Variants in EP400 observed in about 807,000 individuals in gnomAD.
EP400 encodes the protein E1A binding protein p400.
EP400 carries 105 observed loss-of-function variants against 354.1 expected under a neutral mutation model. That is an observed-to-expected ratio of 0.30 (90% CI 0.25 to 0.35). The LOEUF is 0.35. Among genes scored for constraint, EP400 ranks in the 10% least tolerant of loss-of-function variants. The pLI is 1.00. For synonymous variants in EP400, 1,646 were observed against 1,716.9 expected (o/e 0.96, Z 1.02); for missense variants, 3,280 against 4,121.0 (o/e 0.80, Z 5.59).
intron 19 of EP400, 136 bp downstream of exon 19, chr12:132,014,049 T>C: frequency 8.3e-7 from 1 of 1,199,700 alleles, no homozygotes; most frequent in South Asian, 1.5e-5. Flanking sequence ...GGCACCCTCC[T>C]GGGGGCAGCA....
At chr12:131,968,887 A>G (rs1892193652) in intron 2 of EP400, among the ~76,000 whole-genome samples, 1 of 152,188 alleles carries the variant, frequency 6.6e-6, no homozygotes, top group Non-Finnish European at 1.5e-5. Context: ...ACAGTTGATT[A>G]TTTGAACCTA....
chr12:131,991,576 C>CT (rs878864752), intron 10 of EP400, 120 bp downstream of exon 10: 85,845 of 588,596 alleles, frequency 0.15, 1,779 homozygotes, highest in African/African-American at 0.26. Context: ...CCTTTCTTTT[C>CT]TTTTTTTTTT....
intron 21 of EP400, 74 bp from the exon 22 acceptor site, chr12:132,019,975 G>C: frequency 1.4e-6 from 2 of 1,421,064 alleles, no homozygotes; most frequent in East Asian, 5.4e-5. Context: ...GGTGAACCCC[G>C]GCTCCATGAG....
intron 13 of EP400, 127 bp from the exon 14 acceptor site, chr12:132,005,985 A>G (rs1893566482): frequency 1.1e-6 from 1 of 883,632 alleles, no homozygotes; most frequent in Admixed American, 3.1e-5. Context: ...TTACAAATAA[A>G]AAATTATTGC....
chr12:132,066,849 T>C lies in EP400; in HGVS notation c.8629T>C (p.Leu2877=). ...TQAPQPAQVA[L]AKPPVVSVPA... The stretch of plus-strand genomic sequence containing the variant: ...GGCACCCCAGCCAGCCCAGGTGGCC[T>C]TGGCGAAGCCTCCGGTGGTGTCCGT... The change falls in exon 49 of 53, where the codon TTG becomes CTG. Residue 2877 remains leucine (L), a synonymous_variant. Coordinates refer to ENST00000389561, the MANE Select transcript of EP400 (RefSeq NM_015409.5). 1 of 1,614,086 alleles carries C rather than the reference T, an allele frequency of 6.2e-7. No homozygotes were observed. The highest frequency in any genetic ancestry group is 8.5e-7 in the Non-Finnish European group (1 of 1,179,972).
intron 30 of EP400, 149 bp downstream of exon 30, chr12:132,032,298 G>A: frequency 3.4e-6 from 3 of 873,266 alleles, no homozygotes; most frequent in Non-Finnish European, 5.1e-6. Context: ...GAAACAAAAG[G>A]TAGCACTAAA....
chr12:132,027,515 T>C lies in EP400; in HGVS notation c.5093T>C (p.Ile1698Thr). ...ACGGCCTCCAAACCAGCTTCTCCCA[T>C]TGGAGGGCCGACCCAGGTAAGCACC... ...PGTASKPASP[I>T]GGPTQEEKTR... Residue 1698 changes from isoleucine (I) to threonine (T), a missense_variant, in exon 26 of 53, where the codon ATT becomes ACT. By Grantham distance (89) the Ile-to-Thr change is moderately conservative. Around this residue, in one of 20 missense-constraint regions of EP400, gnomAD observed 459 missense variants for 496.9 expected, o/e 0.92. Coordinates refer to ENST00000389561, the MANE Select transcript of EP400 (RefSeq NM_015409.5). This position sits in a 1 kb window ranked among gnomAD's most constrained non-coding sequence, Gnocchi z 4.9. 6.2e-7 allele frequency: 1 copy of C among 1,612,800 alleles called. No homozygotes were observed. The highest frequency in any genetic ancestry group is 8.5e-7 in the Non-Finnish European group (1 of 1,179,380).
intron 2 of EP400, among the ~76,000 whole-genome samples, chr12:131,973,988 AT>A (rs57974341): frequency 0.031 from 3,955 of 128,692 alleles, 61 homozygotes; most frequent in Middle Eastern, 0.055. Flanking sequence ...ATGTGTTTGT[AT>A]TTTTTTTTTT....
At position 132,075,723 on chromosome 12, in the gene EP400, G is replaced by A. The variant is rs561202024; in HGVS notation, c.9022-793G>A. The stretch of plus-strand genomic sequence containing the variant: ...TAAATCATGTAATTTCACATATTTC[G>A]CAGAATAATCTTGGGAAATATTATT... On this transcript the variant is annotated intron_variant, in intron 51 of 52. Coordinates refer to ENST00000389561, the MANE Select transcript of EP400 (RefSeq NM_015409.5). The surrounding 1 kb of genome is among the most constrained non-coding windows in gnomAD (Gnocchi z 4.5). The A allele has an allele frequency of 5.9e-5, 9 of 152,108 alleles. No individual in the cohort carries two copies. Among genetic ancestry groups the A allele is most frequent in the Non-Finnish European group, 1.3e-4 (9 of 68,044 alleles). The allele number at this position is 152,108 out of a possible 1,614,324, so 9.4% of individuals were successfully genotyped here.
chr12:132,001,625 C>G (rs541394040), intron 12 of EP400, among the ~76,000 whole-genome samples: 1 of 152,126 alleles, frequency 6.6e-6, no homozygotes, highest in Non-Finnish European at 1.5e-5. Context: ...CTCCCTTTCC[C>G]GGTCCGCTAA....
intron 48 of EP400, chr12:132,065,346 TGC>T: frequency 5.9e-6 from 1 of 168,686 alleles, no homozygotes; most frequent in Admixed American, 5.5e-5. Flanking sequence ...CAGGCGCAAG[TGC>T]TGTCTGGGAA....
rs1050969336 is a variant in EP400, at chr12:132,050,637, C to T, written c.7376C>T (p.Ala2459Val). The change falls in exon 41 of 53, where the codon GCG becomes GTG. Residue 2459 changes from alanine (A) to valine (V), a missense_variant. Around this residue, in one of 20 missense-constraint regions of EP400, gnomAD observed 29 missense variants for 86.0 expected, o/e 0.34. Transcript: ENST00000389561. This position sits in a 1 kb window ranked among gnomAD's most constrained non-coding sequence, Gnocchi z 4.8. Reference protein sequence around the residue: ...MNPFQKNPKHASVLAESGINY... With the variant: ...MNPFQKNPKHVSVLAESGINY... ...CCCTTTCAGAAGAACCCCAAGCACG[C>T]GTCTGTGTTGGCAGAAAGGTATTTC... is the stretch of plus-strand genomic sequence containing the variant. The T allele has an allele frequency of 5.6e-6, 9 of 1,614,094 alleles. No homozygotes were observed. The highest frequency in any genetic ancestry group is 1.7e-5 in the Admixed American group (1 of 60,008).
chr12:132,050,713 A>G lies in EP400; in HGVS notation c.7394+58A>G, dbSNP rs746404251. 1.2e-6 allele frequency: 2 copies of G among 1,603,172 alleles called. No homozygotes were observed. Among genetic ancestry groups the G allele is most frequent in the Non-Finnish European group, 1.7e-6 (2 of 1,170,438 alleles). On this transcript the variant is annotated intron_variant, in intron 41 of 52. Coordinates refer to ENST00000389561, the MANE Select transcript of EP400 (RefSeq NM_015409.5). This position sits in a 1 kb window ranked among gnomAD's most constrained non-coding sequence, Gnocchi z 4.8. The stretch of plus-strand genomic sequence containing the variant: ...TTTGGAAGGATTTCATTCCAGTGTC[A>G]TCTAAGTTCAGTGAGTTCAGCAAAT...
chr12:132,019,549 A>C (rs1461075720), intron 21 of EP400, among the ~76,000 whole-genome samples: 1 of 152,108 alleles, frequency 6.6e-6, no homozygotes, highest in Non-Finnish European at 1.5e-5. Flanking sequence ...CCAAAAAAAA[A>C]AATCAAATCC....
Position 132,050,791 on chromosome 12 carries a change from C to T in EP400, c.7394+136C>T. ...CAGCTGGACGTGGCAGTGCGCAGAA[C>T]CTGCAGGAGAGAGGTGCTTTTCCTG... is the stretch of plus-strand genomic sequence containing the variant. On this transcript the variant is annotated intron_variant, in intron 41 of 52. Transcript: ENST00000389561. The surrounding 1 kb of genome is among the most constrained non-coding windows in gnomAD (Gnocchi z 4.8). 9.4e-7 allele frequency: 1 copy of T among 1,069,200 alleles called. No homozygotes were observed. Among genetic ancestry groups the T allele is most frequent in the Non-Finnish European group, 1.4e-6 (1 of 708,980 alleles). 66.2% of individuals were successfully genotyped at this position (1,069,200 alleles called of 1,614,324 possible). A position where few individuals can be genotyped will look rare whatever the true frequency, so the allele number is the denominator to read the frequency against.
intron 12 of EP400, among the ~76,000 whole-genome samples, chr12:132,001,723 G>C (rs1253446354): frequency 1.3e-5 from 2 of 152,180 alleles, no homozygotes; most frequent in African/African-American, 4.8e-5. Flanking sequence ...GCCCTCTGGT[G>C]GCCCTGTCCG....
intron 51 of EP400, 124 bp downstream of exon 51, chr12:132,069,765 A>ACAACACTTCCCTCC: frequency 7.1e-7 from 1 of 1,411,706 alleles, no homozygotes; most frequent in Non-Finnish European, 9.6e-7. Context: ...CACTGGAGGG[A>ACAACACTTCCCTCC]AGTGTTGTCT....
intron 9 of EP400, 48 bp from the exon 10 acceptor site, chr12:131,991,359 C>A: frequency 1.2e-6 from 2 of 1,605,144 alleles, no homozygotes; most frequent in South Asian, 1.1e-5. Context: ...GACGCCCTCG[C>A]CAAGCATGGG....
chr12:131,952,702 T>C (rs951250476), intron 1 of EP400, among the ~76,000 whole-genome samples: 5 of 152,210 alleles, frequency 3.3e-5, no homozygotes, highest in Non-Finnish European at 5.9e-5. Context: ...TCCTCTGGTC[T>C]CAGTCTCCCA....
Sources: allele counts gnomAD v4.1 joint callset (sites outside exome capture counted in the v4.1 genomes callset), GRCh38; gene constraint gnomAD v4.1.1; regional missense constraint gnomAD v4.1.1; non-coding constraint Gnocchi (gnomAD v3.1); transcripts MANE v1.5; gene names NCBI Gene and HGNC (gene_info 2026-07-23, HGNC 2026-07-21).